The following NTN4 variants were observed in gnomAD, a reference collection of about 807,000 sequenced individuals.
The protein encoded by NTN4 is netrin-4.
NTN4 carries 32 observed loss-of-function variants against 73.6 expected under a neutral mutation model. The ratio of observed to expected loss-of-function variants is 0.44; its 90% CI spans 0.33 to 0.58. The LOEUF is 0.58. Among genes scored for constraint, NTN4 ranks in the 20% least tolerant of loss-of-function variants. The probability of loss-of-function intolerance (pLI) is 0.04; values close to 1 mark genes in which losing one functional copy is unlikely to be tolerated. For synonymous variants in NTN4, 258 were observed against 287.5 expected (o/e 0.90, Z 1.04); for missense variants, 654 against 798.3 (o/e 0.82, Z 2.18).
chr12:95,695,673 T>C (rs1174589338), intron 5 of NTN4, among the ~76,000 whole-genome samples: 2 of 152,194 alleles, frequency 1.3e-5, no homozygotes, highest in African/African-American at 4.8e-5. Context: ...TTTTTAATGC[T>C]TGCTATGTGA....
At position 95,683,510 on chromosome 12, in the gene NTN4, T is replaced by G; in HGVS notation, c.1382A>C (p.Asp461Ala). ...CTTGCACATTCACCTGCTGATGCAG[T>G]CTCCGGTGATAGGGTCACAGCTCCC... ...CAGSCDPITG[D>A]CISSHTDIDW... The change falls in exon 6 of 10, where the codon GAC (aspartate) becomes GCC (alanine). Residue 461 changes from aspartate (D) to alanine (A), a missense_variant. Coordinates refer to ENST00000343702, the MANE Select transcript of NTN4 (RefSeq NM_021229.4). The G allele has an allele frequency of 1.2e-6, 2 of 1,613,956 alleles. No homozygotes were observed. The highest frequency in any genetic ancestry group is 1.7e-6 in the Non-Finnish European group (2 of 1,179,920).
At chr12:95,673,085 T>C in intron 7 of NTN4, 3 of 1,399,336 alleles carry the variant, frequency 2.1e-6, no homozygotes, top group Non-Finnish European at 1.0e-6. Context: ...GCGGGCGGAC[T>C]ACTGTCCCCA....
At chr12:95,706,111 T>C (rs1041282858) in intron 5 of NTN4, among the ~76,000 whole-genome samples, 22 of 152,336 alleles carry the variant, frequency 1.4e-4, no homozygotes, top group African/African-American at 5.3e-4. Flanking sequence ...AGTCTCTAGA[T>C]GAGCTGTATA....
At chr12:95,683,742 G>C in intron 5 of NTN4, 31 bp from the exon 6 acceptor site, 1 of 1,536,052 alleles carries the variant, frequency 6.5e-7, no homozygotes, top group Non-Finnish European at 8.9e-7. Context: ...AAGGATCAAA[G>C]ACTGACTGTA....
intron 5 of NTN4, among the ~76,000 whole-genome samples, chr12:95,695,630 G>A (rs1280731305): frequency 2.0e-5 from 3 of 152,174 alleles, no homozygotes; most frequent in Admixed American, 2.0e-4. Context: ...CTCCCAAAGT[G>A]CTGGGATTAC....
intron 5 of NTN4, among the ~76,000 whole-genome samples, chr12:95,705,820 TC>T (rs1279272579): frequency 7.2e-5 from 11 of 152,206 alleles, no homozygotes; most frequent in Non-Finnish European, 1.6e-4. Context: ...GTTAGCTTTG[TC>T]AAAAGATGGT....
At chr12:95,726,038 A>G (rs1374198658) in intron 3 of NTN4, among the ~76,000 whole-genome samples, 1 of 152,004 alleles carries the variant, frequency 6.6e-6, no homozygotes, top group Admixed American at 6.5e-5. Flanking sequence ...AAATTCCTGT[A>G]TAACCCACCA....
At chr12:95,703,791 G>A (rs1184747297) in intron 5 of NTN4, among the ~76,000 whole-genome samples, 2 of 152,076 alleles carry the variant, frequency 1.3e-5, no homozygotes, top group Non-Finnish European at 2.9e-5. Context: ...AAGCCTATAT[G>A]CACACAAATA....
Position 95,710,143 on chromosome 12 carries a change from T to G in NTN4, c.1180+298A>C, listed in dbSNP as rs745854811. Among the ~76,000 whole-genome samples the G allele has an allele frequency of 1.5e-4, 23 of 152,194 alleles. 1 individual carries two copies. Among genetic ancestry groups the G allele is most frequent in the Admixed American group, 4.6e-4 (7 of 15,278 alleles). On this transcript the variant is annotated intron_variant, in intron 5 of 9. Coordinates refer to ENST00000343702, the MANE Select transcript of NTN4 (RefSeq NM_021229.4). ...GTAGTCTTAAGATCTTAAATAGCTC[T>G]CCCTCTTCATCACTCTTTTTTCTAT... is the stretch of plus-strand genomic sequence containing the variant.
intron 5 of NTN4, among the ~76,000 whole-genome samples, chr12:95,703,861 G>GA (rs2078504210): frequency 6.6e-6 from 1 of 152,140 alleles, no homozygotes; most frequent in Non-Finnish European, 1.5e-5. Context: ...GGCTAACTCT[G>GA]AAAAATTTAA....
intron 5 of NTN4, among the ~76,000 whole-genome samples, chr12:95,705,020 T>C (rs2121066955): frequency 6.6e-6 from 1 of 152,374 alleles, no homozygotes; most frequent in East Asian, 1.9e-4. Context: ...GAATGATTAC[T>C]AATATGACTT....
intron 8 of NTN4, 68 bp downstream of exon 8, chr12:95,670,010 T>C: frequency 1.1e-6 from 1 of 920,536 alleles, no homozygotes; most frequent in South Asian, 1.7e-5. Flanking sequence ...AGGCCTCCCA[T>C]TTTCTTAAAA....
intron 2 of NTN4, among the ~76,000 whole-genome samples, chr12:95,767,666 G>C (rs2079029216): frequency 6.6e-6 from 1 of 152,158 alleles, no homozygotes; most frequent in Non-Finnish European, 1.5e-5. Flanking sequence ...AAAGAGCCCA[G>C]CTGGGAGCAT....
intron 1 of NTN4, 68 bp from the exon 2 acceptor site, chr12:95,787,536 C>T: frequency 6.8e-7 from 1 of 1,480,118 alleles, no homozygotes; most frequent in Non-Finnish European, 9.2e-7. Flanking sequence ...CCACCTAGTC[C>T]ATCAACAACA....
chr12:95,708,176 A>G (rs888747133), intron 5 of NTN4, among the ~76,000 whole-genome samples: 2 of 152,088 alleles, frequency 1.3e-5, no homozygotes, highest in African/African-American at 4.8e-5. Flanking sequence ...GAAACGCTAT[A>G]GTATTATTTT....
chr12:95,731,683 G>A (rs2121154797), intron 3 of NTN4, among the ~76,000 whole-genome samples: 1 of 152,068 alleles, frequency 6.6e-6, no homozygotes, highest in South Asian at 2.1e-4. Flanking sequence ...CAGCCTCATC[G>A]CCCCTGCCCT....
intron 8 of NTN4, among the ~76,000 whole-genome samples, chr12:95,667,660 G>A (rs2078192148): frequency 6.6e-6 from 1 of 152,022 alleles, no homozygotes; most frequent in African/African-American, 2.4e-5. Flanking sequence ...TTTGAGACCA[G>A]CCTGGCCAAC....
intron 2 of NTN4, among the ~76,000 whole-genome samples, chr12:95,745,180 A>G (rs961344263): frequency 6.6e-6 from 1 of 152,070 alleles, no homozygotes; most frequent in Non-Finnish European, 1.5e-5. Flanking sequence ...TCTTGGATCC[A>G]TGGATTTATA....
chr12:95,706,614 A>C (rs2078523604), intron 5 of NTN4, among the ~76,000 whole-genome samples: 1 of 152,230 alleles, frequency 6.6e-6, no homozygotes, highest in Non-Finnish European at 1.5e-5. Flanking sequence ...ATAAATACCA[A>C]CATTTTTAGG....
Sources: allele counts gnomAD v4.1 joint callset (sites outside exome capture counted in the v4.1 genomes callset), GRCh38; gene constraint gnomAD v4.1.1; transcripts MANE v1.5; gene names NCBI Gene and HGNC (gene_info 2026-07-23, HGNC 2026-07-21).